PSPC1: variants seen among roughly 807,000 people sequenced by gnomAD.
The protein encoded by PSPC1 is paraspeckle protein 1.
Under a neutral mutation model 51.6 loss-of-function variants are expected in PSPC1, and 14 were observed. That is an observed-to-expected ratio of 0.27 (90% CI 0.18 to 0.42). The LOEUF (loss-of-function observed/expected upper bound fraction) is 0.42. Ranked by LOEUF, PSPC1 falls within the 10% of genes least tolerant of loss-of-function variation. The pLI, the probability that PSPC1 is intolerant of heterozygous loss-of-function variation, is 1.00. For missense variants in PSPC1, 406 were observed against 701.1 expected, an observed-to-expected ratio of 0.58 and a Z score of 4.75; for synonymous variants, 193 against 231.9, an observed-to-expected ratio of 0.83 and a Z score of 1.53.
chr13:19,746,130 C>T (rs999873039), intron 4 of PSPC1, among the ~76,000 whole-genome samples: 5 of 151,540 alleles, frequency 3.3e-5, no homozygotes, highest in African/African-American at 1.2e-4. Context: ...CTCAGCTACC[C>T]GAGCAGCTCA....
intron 3 of PSPC1, among the ~76,000 whole-genome samples, chr13:19,757,247 T>C (rs1010310791): frequency 1.1e-4 from 17 of 152,148 alleles, no homozygotes; most frequent in African/African-American, 3.9e-4. Flanking sequence ...CTCCACACTT[T>C]TGGAACTGTG....
At chr13:19,753,979 A>T (rs1886821134) in intron 3 of PSPC1, among the ~76,000 whole-genome samples, 1 of 151,356 alleles carries the variant, frequency 6.6e-6, no homozygotes. Flanking sequence ...TAAATTATTT[A>T]TTTTCTTTCA....
At chr13:19,752,579 T>G (rs1886666645) in intron 3 of PSPC1, among the ~76,000 whole-genome samples, 1 of 150,850 alleles carries the variant, frequency 6.6e-6, no homozygotes, top group South Asian at 2.1e-4. Context: ...TTTTCACTTT[T>G]TTATTTATTT....
chr13:19,680,809 A>T (rs1393384190), intron 6 of PSPC1, among the ~76,000 whole-genome samples: 3 of 152,184 alleles, frequency 2.0e-5, no homozygotes, highest in African/African-American at 7.2e-5. Context: ...AACAAAAGCG[A>T]GTGAAAAAGG....
chr13:19,694,743 T>C (rs1205528571), intron 6 of PSPC1, among the ~76,000 whole-genome samples: 1 of 152,172 alleles, frequency 6.6e-6, no homozygotes, highest in Non-Finnish European at 1.5e-5. Flanking sequence ...CAAATGCCAC[T>C]ACTACTAGGA....
chr13:19,780,146 A>G (rs12875163), intron 1 of PSPC1, among the ~76,000 whole-genome samples: 5 of 27,986 alleles, frequency 1.8e-4, no homozygotes, highest in Non-Finnish European at 3.3e-4. Context: ...TGGGGGGATC[A>G]GCCCCCCGCC....
At chr13:19,745,744 C>T (rs1270313293) in intron 4 of PSPC1, among the ~76,000 whole-genome samples, 20 of 151,736 alleles carry the variant, frequency 1.3e-4, no homozygotes, top group Admixed American at 6.6e-4. Context: ...CTCAGCCTCC[C>T]AAGTAGCTGG....
rs1196290417 is a variant in PSPC1 at position 19,713,902 on chromosome 13, AC to A, written c.1159-4304del. Among the ~76,000 whole-genome samples, 213 of 152,290 alleles carry A rather than the reference AC, an allele frequency of 1.4e-3. 2 individuals carry two copies. Among genetic ancestry groups the A allele is most frequent in the African/African-American group, 4.9e-3 (204 of 41,556 alleles). Reference sequence around the variant, plus strand: ...CAGTTAGTTATAGTACTATCATCAGACTTTTCTCTGTATCAACATTCACTAC... The same window carrying A: ...CAGTTAGTTATAGTACTATCATCAGATTTTCTCTGTATCAACATTCACTAC... On this transcript the variant is annotated intron_variant, in intron 6 of 8. Coordinates refer to ENST00000338910, the MANE Select transcript of PSPC1 (RefSeq NM_001354909.2).
At chr13:19,691,346 C>G (rs539814834) in intron 6 of PSPC1, among the ~76,000 whole-genome samples, 2 of 152,154 alleles carry the variant, frequency 1.3e-5, no homozygotes, top group South Asian at 4.1e-4. Context: ...CTGGGCAACA[C>G]AGTGAGACCC....
At position 19,772,237 on chromosome 13, in the gene PSPC1, C is replaced by A. The variant is rs1888688897; in HGVS notation, c.674+5G>T. 6.2e-7 allele frequency: 1 copy of A among 1,610,642 alleles called. No homozygotes were observed. Among genetic ancestry groups the A allele is most frequent in the Non-Finnish European group, 8.5e-7 (1 of 1,178,236 alleles). Reference sequence around the variant, plus strand: ...TAGAAGAAGGACAAGATATTTAAAACTTACGTTGTTAGCAAGAATGCCCCA... The same window carrying A: ...TAGAAGAAGGACAAGATATTTAAAAATTACGTTGTTAGCAAGAATGCCCCA... On this transcript the variant is annotated splice_donor_5th_base_variant and intron_variant, in intron 2 of 8. Transcript: ENST00000338910.
In PSPC1 at chr13:19,773,484, C is replaced by G. The variant is rs77194748; in HGVS notation, c.373-941G>C. On this transcript the variant is annotated intron_variant, in intron 1 of 8. Coordinates refer to ENST00000338910, the MANE Select transcript of PSPC1 (RefSeq NM_001354909.2). Reference sequence around the variant, plus strand: ...CTGAACTCCTGACTCCAGATTTGCCCACCTCAGCTTCCCAAAGTGCTGGGA... The same window carrying G: ...CTGAACTCCTGACTCCAGATTTGCCGACCTCAGCTTCCCAAAGTGCTGGGA... Among the ~76,000 whole-genome samples, 830 of 152,070 alleles carry G rather than the reference C, an allele frequency of 5.5e-3. 42 individuals carry two copies. The East Asian group carries it at 0.13, about 23-fold the overall frequency.
chr13:19,749,526 CAAAA>C (rs777351117), intron 4 of PSPC1, among the ~76,000 whole-genome samples: 2 of 98,350 alleles, frequency 2.0e-5, no homozygotes, highest in African/African-American at 7.6e-5. Context: ...GATTCTGTCT[CAAAA>C]AAAAAAAAAA....
At chr13:19,732,975 C>CT (rs1216143245) in intron 5 of PSPC1, among the ~76,000 whole-genome samples, 1 of 151,324 alleles carries the variant, frequency 6.6e-6, no homozygotes, top group Non-Finnish European at 1.5e-5. Context: ...ACTTTTTAGT[C>CT]TCAAAGCTTC....
chr13:19,769,881 G>C (rs1888458434), intron 2 of PSPC1, among the ~76,000 whole-genome samples: 1 of 152,146 alleles, frequency 6.6e-6, no homozygotes, highest in African/African-American at 2.4e-5. Flanking sequence ...AAAGAACTTG[G>C]CAGTTTCTTA....
chr13:19,698,428 T>C (rs190111236), downstream of PSPC1, among the ~76,000 whole-genome samples: 330 of 152,062 alleles, frequency 2.2e-3, 1 homozygote, highest in African/African-American at 5.9e-3. Flanking sequence ...CAACACAATG[T>C]AGGACCTCGT....
chr13:19,705,027 G>A (rs1389175980), intron 8 of PSPC1, among the ~76,000 whole-genome samples: 1 of 152,102 alleles, frequency 6.6e-6, no homozygotes, highest in African/African-American at 2.4e-5. Flanking sequence ...TCAAATATAA[G>A]GAGTCCACAC....
intron 5 of PSPC1, among the ~76,000 whole-genome samples, chr13:19,730,901 C>G (rs1007300975): frequency 7.3e-6 from 1 of 137,142 alleles, no homozygotes; most frequent in African/African-American, 2.7e-5. Flanking sequence ...GAGCGGAGAT[C>G]GCGCCCCTGC....
In PSPC1 at chr13:19,686,402, G is replaced by T. The variant is rs545304662; in HGVS notation, c.1159-8579C>A. 5.9e-5 allele frequency among the ~76,000 whole-genome samples: 9 copies of T among 152,172 alleles called. No individual in the cohort carries two copies. In the South Asian group the frequency reaches 1.9e-3, roughly 32 times the overall value. On this transcript the variant is annotated intron_variant and NMD_transcript_variant, in intron 6 of 7. Transcript: ENST00000471658. ...GGTTGTCAACATTTCAGTAGCAGGG[G>T]GTCAATTAGGAAAAGAAGGTCTAAA...
intron 6 of PSPC1, among the ~76,000 whole-genome samples, chr13:19,712,612 A>G (rs1881585939): frequency 6.6e-6 from 1 of 152,152 alleles, no homozygotes; most frequent in African/African-American, 2.4e-5. Context: ...GTGGTATATT[A>G]TAAATTGGTA....
Sources: allele counts gnomAD v4.1 joint callset (sites outside exome capture counted in the v4.1 genomes callset), GRCh38; gene constraint gnomAD v4.1.1; transcripts MANE v1.5; gene names NCBI Gene and HGNC (gene_info 2026-07-23, HGNC 2026-07-21).